The following CCDC7 variants were observed in gnomAD, a reference collection of about 807,000 sequenced individuals.
CCDC7 encodes coiled-coil domain-containing protein 7.
CCDC7 carries 183 observed loss-of-function variants against 196.9 expected under a neutral mutation model. The observed-to-expected ratio is 0.93, with a 90% CI of 0.82 to 1.05. The LOEUF (loss-of-function observed/expected upper bound fraction) is 1.05. Ranked by LOEUF, CCDC7 falls within the 50% of genes least tolerant of loss-of-function variation. The pLI is 0.00. For synonymous variants in CCDC7, 525 were observed against 484.6 expected (o/e 1.08, Z -1.10); for missense variants, 1,540 against 1,482.2 (o/e 1.04, Z -0.64).
chr10:32,624,516 C>T (rs1003985521), intron 18 of CCDC7, among the ~76,000 whole-genome samples: 1 of 152,160 alleles, frequency 6.6e-6, no homozygotes, highest in Non-Finnish European at 1.5e-5. Flanking sequence ...CTCAGTGCTT[C>T]AAAAGCAATG....
intron 26 of CCDC7, 53 bp from the exon 28 acceptor site, chr10:32,728,834 C>T: frequency 1.1e-6 from 1 of 950,222 alleles, no homozygotes; most frequent in Non-Finnish European, 1.6e-6. Context: ...ACATATTATA[C>T]ATTCATAGAT....
intron 41 of CCDC7, among the ~76,000 whole-genome samples, chr10:32,875,072 T>C (rs1307928065): frequency 6.6e-6 from 1 of 152,024 alleles, no homozygotes; most frequent in Non-Finnish European, 1.5e-5. Flanking sequence ...ATTTATGTTT[T>C]TGTATGTTTC....
intron 28 of CCDC7, among the ~76,000 whole-genome samples, chr10:32,756,611 A>T (rs1214780144): frequency 2.0e-5 from 3 of 152,260 alleles, no homozygotes; most frequent in African/African-American, 4.8e-5. Context: ...AGCACTAAAC[A>T]TGGAAAGGAA....
In CCDC7 at chr10:32,511,724, A is replaced by G. The variant is rs928948818; in HGVS notation, c.873-6221A>G. Reference sequence around the variant, plus strand: ...AATTTCTACTGGATAGTCTTCATTAATTTCTTCACCTGCCGTTATGGCTGA... The same window carrying G: ...AATTTCTACTGGATAGTCTTCATTAGTTTCTTCACCTGCCGTTATGGCTGA... On this transcript the variant is annotated intron_variant, in intron 9 of 41. Transcript: ENST00000639629. The G allele has an allele frequency of 3.3e-5, 51 of 1,566,538 alleles. No homozygotes were observed. In the African/African-American group the frequency reaches 5.4e-4, roughly 17 times the overall value.
intron 33 of CCDC7, among the ~76,000 whole-genome samples, chr10:32,836,025 A>G (rs943504003): frequency 1.3e-5 from 2 of 152,144 alleles, no homozygotes; most frequent in African/African-American, 2.4e-5. Flanking sequence ...AATTTACAAT[A>G]TCTCAGCTAC....
Position 32,715,521 on chromosome 10 carries a change from CA to C in CCDC7, c.2569+3793del, listed in dbSNP as rs367884354. Reference sequence around the variant, plus strand: ...CCAAAGGATCACAACTCCTCGTCAGCAAGGGAATAAAACAGGAGAGAGAATG... The same window carrying C: ...CCAAAGGATCACAACTCCTCGTCAGCAGGGAATAAAACAGGAGAGAGAATG... On this transcript the variant is annotated intron_variant, in intron 25 of 41. Transcript: ENST00000639629. 5.1e-4 allele frequency among the ~76,000 whole-genome samples: 77 copies of C among 152,186 alleles called. No individual in the cohort carries two copies. The East Asian group carries it at 0.013, about 26-fold the overall frequency.
intron 12 of CCDC7, among the ~76,000 whole-genome samples, chr10:32,543,720 A>G (rs1007472602): frequency 3.9e-5 from 6 of 152,016 alleles, no homozygotes; most frequent in African/African-American, 1.4e-4. Flanking sequence ...TTAACTCCAC[A>G]GTGTTGGCTG....
chr10:32,722,924 G>A (rs2082619586), intron 25 of CCDC7, among the ~76,000 whole-genome samples: 1 of 152,058 alleles, frequency 6.6e-6, no homozygotes, highest in African/African-American at 2.4e-5. Flanking sequence ...TTCTTCATAG[G>A]CACATAGGGA....
chr10:32,787,960 C>T (rs564576346), intron 29 of CCDC7, among the ~76,000 whole-genome samples: 19 of 152,160 alleles, frequency 1.2e-4, no homozygotes, highest in Non-Finnish European at 2.6e-4. Flanking sequence ...CCCACAGATT[C>T]AGCCTCTAGT....
At chr10:32,858,420 A>G (rs1159504540) in intron 41 of CCDC7, among the ~76,000 whole-genome samples, 2 of 152,192 alleles carry the variant, frequency 1.3e-5, no homozygotes, top group African/African-American at 4.8e-5. Context: ...ACTGAATTCA[A>G]CAACAACAAT....
At chr10:32,830,523 T>A (rs1206434222) in intron 32 of CCDC7, among the ~76,000 whole-genome samples, 1 of 151,978 alleles carries the variant, frequency 6.6e-6, no homozygotes, top group Admixed American at 6.6e-5. Flanking sequence ...ATTCGTAAAA[T>A]CTATGCTTAA....
At chr10:32,447,220 G>A (rs1448152383), upstream of CCDC7, among the ~76,000 whole-genome samples, 4 of 152,082 alleles carry the variant, frequency 2.6e-5, no homozygotes, top group African/African-American at 9.7e-5. Flanking sequence ...CCGTTCTTCA[G>A]GTTACAAATG....
chr10:32,680,609 C>T (rs2075723814), intron 21 of CCDC7, among the ~76,000 whole-genome samples: 1 of 148,448 alleles, frequency 6.7e-6, no homozygotes, highest in African/African-American at 2.6e-5. Context: ...TGTTCCCCAC[C>T]CTGGGGACAC....
intron 18 of CCDC7, among the ~76,000 whole-genome samples, chr10:32,592,710 C>T (rs927728920): frequency 3.9e-5 from 6 of 152,136 alleles, no homozygotes; most frequent in Non-Finnish European, 8.8e-5. Context: ...TCCCCACACC[C>T]CCCGACAAGC....
chr10:32,693,715 T>C (rs2077352903), intron 23 of CCDC7, among the ~76,000 whole-genome samples: 1 of 152,206 alleles, frequency 6.6e-6, no homozygotes, highest in Admixed American at 6.5e-5. Flanking sequence ...ATTCTCCCTG[T>C]GTCTGCATGA....
intron 18 of CCDC7, among the ~76,000 whole-genome samples, chr10:32,617,571 A>T (rs1054463485): frequency 6.6e-6 from 1 of 151,856 alleles, no homozygotes; most frequent in African/African-American, 2.4e-5. Flanking sequence ...CCTACTGTTT[A>T]AATTTCCATG....
In CCDC7 at chr10:32,472,382, C is replaced by A. The variant is rs891023468; in HGVS notation, c.678-99C>A. ...ATATGTTTAATTTTTATTCTACAAA[C>A]TTCATATGTCTGGACTTCACATTTT... On this transcript the variant is annotated intron_variant, in intron 6 of 41. Coordinates refer to ENST00000639629, the Ensembl canonical transcript of CCDC7. The A allele has an allele frequency of 3.7e-6, 4 of 1,084,802 alleles. No individual in the cohort carries two copies. In the African/African-American group the frequency reaches 5.0e-5, roughly 13 times the overall value. 67.2% of individuals were successfully genotyped at this position (1,084,802 alleles called of 1,614,324 possible).
intron 41 of CCDC7, among the ~76,000 whole-genome samples, chr10:32,871,368 A>G (rs1056774053): frequency 6.7e-4 from 102 of 151,966 alleles, no homozygotes; most frequent in Middle Eastern, 3.4e-3. Flanking sequence ...TTTCTTCTAG[A>G]TTTTCTAGTT....
intron 32 of CCDC7, among the ~76,000 whole-genome samples, chr10:32,828,065 C>A (rs2091415576): frequency 6.6e-6 from 1 of 152,168 alleles, no homozygotes; most frequent in South Asian, 2.1e-4. Flanking sequence ...CTTGTCTTGA[C>A]TAAAGCATTT....
Sources: allele counts gnomAD v4.1 joint callset (sites outside exome capture counted in the v4.1 genomes callset), GRCh38; gene constraint gnomAD v4.1.1; transcripts MANE v1.5; gene names NCBI Gene and HGNC (gene_info 2026-07-23, HGNC 2026-07-21).